DSCAM: variants seen among roughly 807,000 people sequenced by gnomAD.
The protein encoded by DSCAM is DS cell adhesion molecule.
A neutral mutation model predicts 217.7 loss-of-function variants in DSCAM; 47 were observed. The ratio of observed to expected loss-of-function variants is 0.22; its 90% CI spans 0.17 to 0.28. The LOEUF (loss-of-function observed/expected upper bound fraction) is 0.28. Among genes scored for constraint, DSCAM ranks in the 10% least tolerant of loss-of-function variants. The pLI is 1.00. For synonymous variants in DSCAM, 1,056 were observed against 1,015.3 expected (o/e 1.04, Z -0.76); for missense variants, 2,080 against 2,618.3 (o/e 0.79, Z 4.49).
At chr21:40,057,157 T>C (rs950269867) in intron 28 of DSCAM, among the ~76,000 whole-genome samples, 1 of 152,236 alleles carries the variant, frequency 6.6e-6, no homozygotes, top group Non-Finnish European at 1.5e-5. Flanking sequence ...GATTGCTTGC[T>C]CTGCAGATAA....
chr21:40,650,182 T>C (rs2146357892), intron 3 of DSCAM, among the ~76,000 whole-genome samples: 1 of 152,308 alleles, frequency 6.6e-6, no homozygotes, highest in Non-Finnish European at 1.5e-5. Context: ...CAAAAACCTC[T>C]TCATCTGGAC....
intron 28 of DSCAM, among the ~76,000 whole-genome samples, chr21:40,058,453 G>C (rs555154655): frequency 2.0e-5 from 3 of 152,270 alleles, no homozygotes; most frequent in African/African-American, 7.2e-5. Context: ...TGGAAAATAT[G>C]CTCCACCAGG....
At chr21:40,508,754 TATATATATATATATATATA>T (rs2076230811) in intron 3 of DSCAM, among the ~76,000 whole-genome samples, 3 of 4,812 alleles carry the variant, frequency 6.2e-4, no homozygotes, top group African/African-American at 8.7e-4. Flanking sequence ...TATATATATA[TATATATATATATATATATA>T]TATATATATA....
chr21:40,178,824 C>T (rs2090761931), intron 15 of DSCAM, 103 bp downstream of exon 15: 7 of 1,441,420 alleles, frequency 4.9e-6, no homozygotes, highest in South Asian at 2.5e-5. Context: ...CAAAGACCTC[C>T]GCCTAGCACG....
Position 40,013,152 on chromosome 21 carries a change from C to T in DSCAM, c.5921G>A (p.Arg1974Gln), listed in dbSNP as rs1160677154. The change falls in exon 33 of 33, where the codon CGG (arginine) becomes CAG (glutamine). Residue 1974 changes from arginine to glutamine, a missense_variant. By Grantham distance (43) the Arg-to-Gln change is conservative. This residue lies in a region of DSCAM where 145 missense variants were observed against 138.5 expected (regional missense o/e 1.05). Coordinates refer to ENST00000400454, the MANE Select transcript of DSCAM (RefSeq NM_001389.5). ...TGCCTGTCCCAGCTCTGCTCCCTCCCGCTGAGGTAATGTGGCCACGGCCCC... is the reference window on the plus strand; with the variant it reads ...TGCCTGTCCCAGCTCTGCTCCCTCCTGCTGAGGTAATGTGGCCACGGCCCC... The part of the protein sequence containing the change: ...QPGAVATLPQ[R>Q]EGAELGQAAK... 1 of 1,613,582 alleles carries T rather than the reference C, an allele frequency of 6.2e-7. No individual in the cohort carries two copies.
chr21:40,614,912 A>C (rs11910877), intron 3 of DSCAM, among the ~76,000 whole-genome samples: 2,869 of 152,118 alleles, frequency 0.019, 89 homozygotes, highest in African/African-American at 0.066. Context: ...ATATACACAC[A>C]CTTATGCCAC....
chr21:40,679,792 T>G (rs2090380366), intron 3 of DSCAM, among the ~76,000 whole-genome samples: 1 of 152,230 alleles, frequency 6.6e-6, no homozygotes. Context: ...ATTAGTTCAA[T>G]AGCATTCTAA....
intron 32 of DSCAM, among the ~76,000 whole-genome samples, chr21:40,018,026 C>CTGAAAGA (rs1319623149): frequency 1.4e-4 from 3 of 21,390 alleles, no homozygotes; most frequent in African/African-American, 3.7e-4. Flanking sequence ...AGCTTTGTTC[C>CTGAAAGA]TGAAAGAATT....
At position 40,487,326 on chromosome 21, in the gene DSCAM, TGAGAGAGAGA is replaced by T. The variant is rs10598197; in HGVS notation, c.509-118091_509-118082del. On this transcript the variant is annotated intron_variant, in intron 3 of 32. Transcript: ENST00000400454. ...GTGCGTGTGTGTGTGTGTGTGTGTG[TGAGAGAGAGA>T]GAGAGAGAGAGAGAGAGAGAGACTG... 5.2e-4 allele frequency among the ~76,000 whole-genome samples: 38 copies of T among 72,850 alleles called. No individual in the cohort carries two copies. The Middle Eastern group carries it at 0.017, about 32-fold the overall frequency. 47.8% of individuals were successfully genotyped at this position (72,850 alleles called of 152,430 possible). A position where few individuals can be genotyped will look rare whatever the true frequency, so the allele number is the denominator to read the frequency against.
chr21:40,382,545 A>G (rs1381688527), intron 3 of DSCAM, among the ~76,000 whole-genome samples: 1 of 152,220 alleles, frequency 6.6e-6, no homozygotes, highest in Non-Finnish European at 1.5e-5. Context: ...TCCCAATGAC[A>G]CGTGATGATG....
chr21:40,421,363 C>T (rs190883933), intron 3 of DSCAM, among the ~76,000 whole-genome samples: 31 of 152,318 alleles, frequency 2.0e-4, no homozygotes, highest in Non-Finnish European at 3.8e-4. Context: ...GCCTGACCTT[C>T]GGTAAGCATA....
chr21:40,095,331 A>G (rs1002871944), intron 20 of DSCAM, among the ~76,000 whole-genome samples: 1 of 152,236 alleles, frequency 6.6e-6, no homozygotes, highest in African/African-American at 2.4e-5. Flanking sequence ...GGCTGGGGAC[A>G]TGGAGCCAAG....
chr21:40,776,982 G>A lies in DSCAM; in HGVS notation c.44-68211C>T, dbSNP rs189361398. Among the ~76,000 whole-genome samples, 580 of 152,228 alleles carry A rather than the reference G, an allele frequency of 3.8e-3. 1 individual carries two copies. Among genetic ancestry groups the A allele is most frequent in the African/African-American group, 0.013 (555 of 41,534 alleles). On this transcript the variant is annotated intron_variant, in intron 1 of 32. Coordinates refer to ENST00000400454, the MANE Select transcript of DSCAM (RefSeq NM_001389.5). The stretch of plus-strand genomic sequence containing the variant: ...AGATGTCAGCAGATTCTGAAGCACC[G>A]ATCTCTCTCACTATATCTTAGTCTG...
chr21:40,389,871 G>A lies in DSCAM; in HGVS notation c.509-20626C>T, dbSNP rs191749976. On this transcript the variant is annotated intron_variant, in intron 3 of 32. Coordinates refer to ENST00000400454, the MANE Select transcript of DSCAM (RefSeq NM_001389.5). The stretch of plus-strand genomic sequence containing the variant: ...AGGATGCAAAAGTGAGAGAACAGGT[G>A]TGGACGTGAGGACACGGGGAATAAA... Among the ~76,000 whole-genome samples, 713 of 152,346 alleles carry A rather than the reference G, an allele frequency of 4.7e-3. 10 individuals are homozygous for A. The highest frequency in any genetic ancestry group is 0.014 in the African/African-American group (568 of 41,574).
intron 3 of DSCAM, among the ~76,000 whole-genome samples, chr21:40,441,604 C>CA (rs2075631024): frequency 6.6e-6 from 1 of 152,150 alleles, no homozygotes; most frequent in African/African-American, 2.4e-5. Context: ...ATCCTTTTGC[C>CA]AAAATCATCA....
chr21:40,547,388 G>A (rs373125389), intron 3 of DSCAM, among the ~76,000 whole-genome samples: 1 of 152,162 alleles, frequency 6.6e-6, no homozygotes, highest in Admixed American at 6.5e-5. Flanking sequence ...CCGGAGGGAC[G>A]TGAAAGCTAA....
In DSCAM at chr21:40,025,773, T is replaced by C. The variant is rs1392431598; in HGVS notation, c.5687-12387A>G. 8.6e-5 allele frequency among the ~76,000 whole-genome samples: 13 copies of C among 151,076 alleles called. No individual in the cohort carries two copies. The East Asian group carries it at 1.7e-3, about 20-fold the overall frequency. On this transcript the variant is annotated intron_variant, in intron 32 of 32. Coordinates refer to ENST00000400454, the MANE Select transcript of DSCAM (RefSeq NM_001389.5). ...TGATTCTTCTCTCTTTTTCTCTTTA[T>C]TAGTCTTGCTAGCAGTCTATCTATT...
At chr21:40,451,579 C>G (rs2145929926) in intron 3 of DSCAM, among the ~76,000 whole-genome samples, 1 of 152,226 alleles carries the variant, frequency 6.6e-6, no homozygotes, top group South Asian at 2.1e-4. Context: ...GAATAAATTC[C>G]ATTAAAATTG....
chr21:40,544,662 C>A (rs1038884145), intron 3 of DSCAM, among the ~76,000 whole-genome samples: 4 of 152,162 alleles, frequency 2.6e-5, no homozygotes, highest in African/African-American at 9.7e-5. Flanking sequence ...CTGCTGACAC[C>A]TTGATTTTGA....
Sources: allele counts gnomAD v4.1 joint callset (sites outside exome capture counted in the v4.1 genomes callset), GRCh38; gene constraint gnomAD v4.1.1; regional missense constraint gnomAD v4.1.1; transcripts MANE v1.5; gene names NCBI Gene and HGNC (gene_info 2026-07-23, HGNC 2026-07-21).